HNF4A: variants seen among roughly 807,000 people sequenced by gnomAD.
HNF4A encodes hepatocyte nuclear factor 4-alpha.
Under a neutral mutation model 52.4 loss-of-function variants are expected in HNF4A, and 15 were observed. That is an observed-to-expected ratio of 0.29 (90% CI 0.19 to 0.44). The LOEUF is 0.44. Among genes scored for constraint, HNF4A ranks in the 20% least tolerant of loss-of-function variants. The probability of loss-of-function intolerance (pLI) is 1.00; values close to 1 mark genes in which losing one functional copy is unlikely to be tolerated. For synonymous variants in HNF4A, 280 were observed against 264.4 expected, an observed-to-expected ratio of 1.06 and a Z score of -0.57; for missense variants, 479 against 647.2, an observed-to-expected ratio of 0.74 and a Z score of 2.82.
chr20:44,387,409 T>G (rs1600672911), intron 1 of HNF4A, among the ~76,000 whole-genome samples: 4 of 138,066 alleles, frequency 2.9e-5, no homozygotes, highest in South Asian at 4.8e-4. Flanking sequence ...CTGATAGGGG[T>G]GGGGGCAAGT....
rs926065589 is a variant in HNF4A at position 44,430,852 on chromosome 20, A to G, written c.*1187A>G. 6.6e-6 allele frequency: 1 copy of G among 152,350 alleles called. No individual in the cohort carries two copies. Among genetic ancestry groups the G allele is most frequent in the Non-Finnish European group, 1.5e-5 (1 of 68,154 alleles). The allele number at this position is 152,350 out of a possible 1,614,324, so 9.4% of individuals were successfully genotyped here. A position where few individuals can be genotyped will look rare whatever the true frequency, so the allele number is the denominator to read the frequency against. ...GAGGACAAGATGGGTAAACCCTCAC[A>G]TCAGAGTGACATCCAGGAGGAATAA... On this transcript the variant is annotated 3_prime_UTR_variant, in exon 10 of 10. Transcript: ENST00000316099.
intron 3 of HNF4A, 55 bp from the exon 4 acceptor site, chr20:44,413,633 ACACCCC>A: frequency 8.2e-7 from 1 of 1,222,700 alleles, no homozygotes; most frequent in Non-Finnish European, 1.2e-6. Flanking sequence ...TCAGTCACAG[ACACCCC>A]CACCCCCTAC....
At chr20:44,369,782 G>T (rs139812970) in intron 1 of HNF4A, among the ~76,000 whole-genome samples, 3 of 151,620 alleles carry the variant, frequency 2.0e-5, no homozygotes, top group Non-Finnish European at 4.4e-5. Flanking sequence ...TTACAGGCGC[G>T]TGTCACCATG....
chr20:44,361,329 T>A (rs11696298), intron 1 of HNF4A, among the ~76,000 whole-genome samples: 24,611 of 152,206 alleles, frequency 0.16, 2,398 homozygotes, highest in Middle Eastern at 0.26. Flanking sequence ...ACCATTGCCT[T>A]ACTTTCTCCC....
At chr20:44,423,553 G>T (rs1280356235) in intron 7 of HNF4A, among the ~76,000 whole-genome samples, 1 of 152,182 alleles carries the variant, frequency 6.6e-6, no homozygotes, top group Non-Finnish European at 1.5e-5. Context: ...AACCAGGGAA[G>T]GGGAGCCTAT....
At chr20:44,388,386 C>CCCCCCCCCCCCA (rs2063260578) in intron 1 of HNF4A, among the ~76,000 whole-genome samples, 1 of 120,290 alleles carries the variant, frequency 8.3e-6, no homozygotes, top group South Asian at 3.1e-4. Flanking sequence ...CCCCCACCCC[C>CCCCCCCCCCCCA]GTACATTGGA....
intron 4 of HNF4A, 52 bp downstream of exon 4, chr20:44,413,852 G>C: frequency 8.2e-7 from 1 of 1,225,436 alleles, no homozygotes; most frequent in Non-Finnish European, 1.2e-6. Flanking sequence ...CTACAGAGGA[G>C]CTCACCTCCT....
intron 1 of HNF4A, among the ~76,000 whole-genome samples, chr20:44,368,294 G>A (rs1308092841): frequency 1.3e-5 from 2 of 148,908 alleles, no homozygotes; most frequent in African/African-American, 2.5e-5. Context: ...AGCTTCCTGA[G>A]TGGCTGGGAT....
intron 7 of HNF4A, among the ~76,000 whole-genome samples, chr20:44,423,331 A>G (rs1313757778): frequency 1.3e-5 from 2 of 152,148 alleles, no homozygotes; most frequent in Non-Finnish European, 2.9e-5. Context: ...AAAATAAAAT[A>G]AAATAAAAAT....
chr20:44,408,233 G>A (rs1361079924), intron 3 of HNF4A: 1 of 155,922 alleles, frequency 6.4e-6, no homozygotes, highest in African/African-American at 2.4e-5. Context: ...TTTTGTGGAT[G>A]AAGGAACTGA....
intron 6 of HNF4A, 146 bp from the exon 7 acceptor site, chr20:44,419,575 T>G (rs1049163207): frequency 1.3e-6 from 1 of 790,654 alleles, no homozygotes; most frequent in Non-Finnish European, 2.2e-6. Flanking sequence ...GGGCCTCAGC[T>G]TCCTTACCTG....
chr20:44,398,107 T>C (rs1345107969), upstream of HNF4A, among the ~76,000 whole-genome samples: 1 of 152,224 alleles, frequency 6.6e-6, no homozygotes, highest in East Asian at 1.9e-4. Flanking sequence ...CATTCTGCAT[T>C]GCAGACCAAA....
intron 1 of HNF4A, among the ~76,000 whole-genome samples, chr20:44,374,133 T>C (rs1183034055): frequency 1.3e-5 from 2 of 152,228 alleles, no homozygotes; most frequent in Non-Finnish European, 2.9e-5. Flanking sequence ...TTTTTAGCCC[T>C]TGCCCTTCCT....
At chr20:44,369,273 A>AAAAAAAAAAAAAAAAAAAAAC (rs2063006504) in intron 1 of HNF4A, among the ~76,000 whole-genome samples, 1 of 145,954 alleles carries the variant, frequency 6.9e-6, no homozygotes, top group African/African-American at 2.7e-5. Context: ...AAAAAAAAAA[A>AAAAAAAAAAAAAAAAAAAAAC]AAAAACTGGG....
At chr20:44,423,707 T>C (rs2063778510) in intron 7 of HNF4A, among the ~76,000 whole-genome samples, 1 of 152,236 alleles carries the variant, frequency 6.6e-6, no homozygotes, top group Non-Finnish European at 1.5e-5. Context: ...GTGTCTGGGT[T>C]TCCCCGTGTG....
In HNF4A at chr20:44,367,821, G is replaced by A. The variant is rs141360842; in HGVS notation, c.49+11968G>A. ...CCTTTAATCCTCACAACCGTCTATT[G>A]AGGTAGGTACTGTCATCATACCCAT... On this transcript the variant is annotated intron_variant, in intron 1 of 9. Transcript: ENST00000316673. Among the ~76,000 whole-genome samples the A allele has an allele frequency of 2.8e-3, 428 of 151,942 alleles. 2 individuals are homozygous for A. Among genetic ancestry groups the A allele is most frequent in the African/African-American group, 9.7e-3 (402 of 41,422 alleles).
rs1469568071 is a variant in HNF4A, at chr20:44,429,697, TC to T, written c.*38del. ...GCTGGGGCTTGGGGGCTCCACTGGC[TC>T]CCCCCAGCCCCCTAAGAGAGCACCT... On this transcript the variant is annotated 3_prime_UTR_variant, in exon 10 of 10. Transcript: ENST00000316099. 2.5e-6 allele frequency: 4 copies of T among 1,608,258 alleles called. No homozygotes were observed. Among genetic ancestry groups the T allele is most frequent in the Non-Finnish European group, 3.4e-6 (4 of 1,176,450 alleles).
intron 6 of HNF4A, among the ~76,000 whole-genome samples, chr20:44,419,330 AG>A (rs1056377641): frequency 1.3e-5 from 2 of 152,234 alleles, no homozygotes; most frequent in African/African-American, 4.8e-5. Flanking sequence ...AGAGAGGTTA[AG>A]TAACTTATCC....
rs2063890225 is a variant in HNF4A at position 44,432,462 on chromosome 20, C to A, written c.*2797C>A. On this transcript the variant is annotated 3_prime_UTR_variant, in exon 10 of 10. Coordinates refer to ENST00000316099, the MANE Select transcript of HNF4A (RefSeq NM_000457.6). ...CGTGGGCACAATTTCCCCACCAAGA[C>A]ACCCTGATCTTCAGGCGGGTCTCAG... 7.0e-6 allele frequency: 1 copy of A among 143,578 alleles called. No individual in the cohort carries two copies. The highest frequency in any genetic ancestry group is 1.5e-5 in the Non-Finnish European group (1 of 66,664). 8.9% of individuals were successfully genotyped at this position (143,578 alleles called of 1,614,324 possible). A position where few individuals can be genotyped will look rare whatever the true frequency, so the allele number is the denominator to read the frequency against.
Sources: gnomAD v4.1 joint callset for allele counts (sites outside exome capture counted in the v4.1 genomes callset) on GRCh38, gnomAD v4.1.1 for gene constraint, MANE v1.5 for transcripts, NCBI Gene and HGNC (gene_info 2026-07-23, HGNC 2026-07-21) for gene names.